The following GRM7 variants were observed in gnomAD, a reference collection of about 807,000 sequenced individuals.
The protein encoded by GRM7 is glutamate metabotropic receptor 7.
In GRM7, 35 loss-of-function variants were observed where a neutral mutation model predicts 84.5. The observed-to-expected ratio is 0.41, with a 90% confidence interval of 0.32 to 0.55. GRM7 has a LOEUF of 0.55. Ranked by LOEUF, GRM7 falls within the 20% of genes least tolerant of loss-of-function variation. The pLI, the probability that GRM7 is intolerant of heterozygous loss-of-function variation, is 0.19. For missense variants in GRM7, 1,003 were observed against 1,194.6 expected (o/e 0.84, Z 2.36); for synonymous variants, 487 against 455.1 (o/e 1.07, Z -0.89).
chr3:7,539,551 C>G (rs531994821), intron 7 of GRM7, among the ~76,000 whole-genome samples: 45 of 152,010 alleles, frequency 3.0e-4, no homozygotes, highest in African/African-American at 1.1e-3. Flanking sequence ...TGGCAGGTGC[C>G]TGTAATCCCA....
chr3:7,528,510 A>T lies in GRM7; in HGVS notation c.1516-49912A>T, dbSNP rs80333019. Among the ~76,000 whole-genome samples, 138 of 152,106 alleles carry T rather than the reference A, an allele frequency of 9.1e-4. 1 individual carries two copies. The highest frequency in any genetic ancestry group is 3.1e-3 in the African/African-American group (130 of 41,556). The stretch of plus-strand genomic sequence containing the variant: ...TCCTATGTATGATTTTTGGGGTCTC[A>T]GTTTTATTTAATTCTGCTCTGCTTT... On this transcript the variant is annotated intron_variant, in intron 7 of 9. Transcript: ENST00000357716.
intron 7 of GRM7, among the ~76,000 whole-genome samples, chr3:7,466,774 T>C (rs1271530287): frequency 1.3e-5 from 2 of 152,160 alleles, no homozygotes; most frequent in Non-Finnish European, 2.9e-5. Context: ...CAAACCTCAA[T>C]TTTCTGCCAT....
intron 2 of GRM7, among the ~76,000 whole-genome samples, chr3:7,176,948 A>G (rs1254079629): frequency 6.6e-6 from 1 of 152,232 alleles, no homozygotes; most frequent in East Asian, 1.9e-4. Context: ...AAGCGGAATT[A>G]AAGAACCACA....
intron 1 of GRM7, among the ~76,000 whole-genome samples, chr3:6,944,644 A>G (rs1231224846): frequency 2.0e-5 from 3 of 152,078 alleles, no homozygotes; most frequent in Non-Finnish European, 4.4e-5. Flanking sequence ...CTTTTCTTAT[A>G]ATGCATTTTT....
intron 1 of GRM7, among the ~76,000 whole-genome samples, chr3:7,033,941 A>G (rs1489763487): frequency 1.3e-5 from 2 of 152,214 alleles, no homozygotes; most frequent in Non-Finnish European, 2.9e-5. Flanking sequence ...GGTTACAGGT[A>G]CAATAGAACA....
intron 1 of GRM7, among the ~76,000 whole-genome samples, chr3:7,111,487 A>C (rs1367960695): frequency 6.6e-6 from 1 of 152,154 alleles, no homozygotes; most frequent in South Asian, 2.1e-4. Flanking sequence ...ATAAAGAGGC[A>C]GGAGAATGGA....
chr3:6,969,993 C>A (rs1693679896), intron 1 of GRM7, among the ~76,000 whole-genome samples: 1 of 152,208 alleles, frequency 6.6e-6, no homozygotes, highest in African/African-American at 2.4e-5. Flanking sequence ...TTTCTCCTGC[C>A]TCAGATGTGA....
At chr3:7,736,215 G>A (rs2106530598) in intron 9 of GRM7, among the ~76,000 whole-genome samples, 1 of 152,068 alleles carries the variant, frequency 6.6e-6, no homozygotes, top group South Asian at 2.1e-4. Context: ...AAATTAGATT[G>A]TTTCTTATTT....
rs1001672248 is a variant in GRM7 at position 7,058,696 on chromosome 3, T to C, written c.520-87756T>C. 2.0e-5 allele frequency among the ~76,000 whole-genome samples: 3 copies of C among 151,854 alleles called. 1 individual carries two copies. The highest frequency in any genetic ancestry group is 7.2e-5 in the African/African-American group (3 of 41,420). ...CAGAAAGGGTACACTCGCCAGCTGTTTTGCAAGAGTATACCGAACAAAGGA... is the reference window on the plus strand; with the variant it reads ...CAGAAAGGGTACACTCGCCAGCTGTCTTGCAAGAGTATACCGAACAAAGGA... On this transcript the variant is annotated intron_variant, in intron 1 of 9. Transcript: ENST00000357716.
intron 4 of GRM7, among the ~76,000 whole-genome samples, chr3:7,359,928 A>G (rs1284898100): frequency 2.0e-5 from 3 of 148,456 alleles, no homozygotes; most frequent in Non-Finnish European, 4.4e-5. Flanking sequence ...ACTGAGAAGC[A>G]AATTAGTCAG....
intron 1 of GRM7, among the ~76,000 whole-genome samples, chr3:6,901,858 C>A (rs913933413): frequency 2.8e-4 from 42 of 151,436 alleles, no homozygotes; most frequent in Middle Eastern, 6.4e-3. Context: ...ATGTATTTTT[C>A]TAAGCATCAT....
intron 7 of GRM7, chr3:7,559,141 T>G (rs1693897367): frequency 6.6e-6 from 1 of 152,236 alleles, no homozygotes. Context: ...GCTTTTTTTT[T>G]TTTTTTTCAT....
intron 4 of GRM7, among the ~76,000 whole-genome samples, chr3:7,410,552 A>T (rs1695881788): frequency 6.6e-6 from 1 of 151,126 alleles, no homozygotes; most frequent in African/African-American, 2.4e-5. Context: ...CAGCCTGGGG[A>T]CAGAGAAAGA....
At chr3:7,553,260 G>T (rs959127706) in intron 7 of GRM7, among the ~76,000 whole-genome samples, 2 of 152,178 alleles carry the variant, frequency 1.3e-5, no homozygotes, top group African/African-American at 4.8e-5. Context: ...GACCACTTGA[G>T]CCTGGACTTC....
At chr3:6,951,507 C>G (rs570296193) in intron 1 of GRM7, among the ~76,000 whole-genome samples, 2 of 152,210 alleles carry the variant, frequency 1.3e-5, no homozygotes, top group African/African-American at 4.8e-5. Context: ...TAGTTTAAAA[C>G]AGTTTTAATT....
At chr3:7,414,911 C>T in intron 4 of GRM7, 112 bp from the exon 5 acceptor site, 1 of 736,970 alleles carries the variant, frequency 1.4e-6, no homozygotes, top group Non-Finnish European at 2.1e-6. Flanking sequence ...GGTCGACACA[C>T]AAGAGGATCC....
At chr3:6,886,771 T>TAAC (rs1408681953) in intron 1 of GRM7, among the ~76,000 whole-genome samples, 1 of 140,612 alleles carries the variant, frequency 7.1e-6, no homozygotes, top group Non-Finnish European at 1.6e-5. Context: ...AACTGGTCAG[T>TAAC]AACAATAATA....
intron 4 of GRM7, among the ~76,000 whole-genome samples, chr3:7,383,133 T>C (rs1694653991): frequency 6.6e-6 from 1 of 152,238 alleles, no homozygotes; most frequent in Non-Finnish European, 1.5e-5. Context: ...AAGACATTGA[T>C]CCTGCAGGAA....
In GRM7 at chr3:7,110,231, C is replaced by T. The variant is rs146696540; in HGVS notation, c.520-36221C>T. 7.0e-3 allele frequency among the ~76,000 whole-genome samples: 1,064 copies of T among 152,088 alleles called. 38 individuals carry two copies. Among genetic ancestry groups the T allele is most frequent in the Admixed American group, 0.062 (953 of 15,262 alleles). ...GAAAACTTCTTAAAGCCTTTAATGC[C>T]AGATGTCCAACCCAATCACATTATA... On this transcript the variant is annotated intron_variant, in intron 1 of 9. Transcript: ENST00000357716.
Sources: gnomAD v4.1 joint callset for allele counts (sites outside exome capture counted in the v4.1 genomes callset) on GRCh38, gnomAD v4.1.1 for gene constraint, MANE v1.5 for transcripts, NCBI Gene and HGNC (gene_info 2026-07-23, HGNC 2026-07-21) for gene names.